The following FMN1 variants were observed in gnomAD, a reference collection of about 807,000 sequenced individuals.
FMN1 encodes the protein formin 1.
FMN1 carries 110 observed loss-of-function variants against 132.4 expected under a neutral mutation model. The ratio of observed to expected loss-of-function variants is 0.83; its 90% CI spans 0.71 to 0.97. The LOEUF is 0.97. FMN1 is among the 50% of genes least tolerant of loss of function. The probability of loss-of-function intolerance (pLI) is 0.00; values close to 1 mark genes in which losing one functional copy is unlikely to be tolerated. For missense variants in FMN1, 1,792 were observed against 1,705.3 expected (o/e 1.05, Z -0.90); for synonymous variants, 722 against 651.7 (o/e 1.11, Z -1.64).
chr15:32,951,153 C>T (rs1049002126), intron 9 of FMN1, among the ~76,000 whole-genome samples: 1 of 152,002 alleles, frequency 6.6e-6, no homozygotes, highest in Non-Finnish European at 1.5e-5. Flanking sequence ...ATCGGTCATT[C>T]TACATATGTT....
At chr15:33,038,304 C>G (rs974742609) in intron 6 of FMN1, among the ~76,000 whole-genome samples, 7 of 152,218 alleles carry the variant, frequency 4.6e-5, no homozygotes, top group African/African-American at 1.7e-4. Flanking sequence ...TCTAAGAACA[C>G]TGATTTGCCG....
chr15:32,941,528 A>T (rs1294987457), intron 9 of FMN1, among the ~76,000 whole-genome samples: 1 of 152,222 alleles, frequency 6.6e-6, no homozygotes, highest in Admixed American at 6.5e-5. Flanking sequence ...GCACTACTTC[A>T]GCTAATTGTA....
rs1411329220 is a variant in FMN1 at position 32,964,223 on chromosome 15, C to T, written c.3022G>A (p.Glu1008Lys). The part of the protein sequence containing the change: ...NATPTLWDSL[E>K]EPDIRDPSEF... ...CTGGGGTCCCGAATGTCAGGTTCTTCTAAGGAGTCCCATAAGGTTGGTGTA... is the reference window on the plus strand; with the variant it reads ...CTGGGGTCCCGAATGTCAGGTTCTTTTAAGGAGTCCCATAAGGTTGGTGTA... The change falls in exon 9 of 21, where the codon GAA becomes AAA. Residue 1008 changes from glutamate to lysine, a missense_variant. Glu to Lys is a moderately conservative substitution (Grantham distance 56). Coordinates refer to ENST00000616417, the MANE Select transcript of FMN1 (RefSeq NM_001277313.2). The T allele has an allele frequency of 1.2e-6, 2 of 1,611,134 alleles. No homozygotes were observed. The highest frequency in any genetic ancestry group is 1.7e-5 in the Admixed American group (1 of 59,946).
At chr15:32,886,646 C>T (rs2059904357) in intron 16 of FMN1, among the ~76,000 whole-genome samples, 1 of 152,116 alleles carries the variant, frequency 6.6e-6, no homozygotes, top group African/African-American at 2.4e-5. Flanking sequence ...CAGGTTTCGG[C>T]TCAAAGACTA....
intron 12 of FMN1, among the ~76,000 whole-genome samples, chr15:32,907,883 C>T (rs2060465481): frequency 6.6e-6 from 1 of 152,030 alleles, no homozygotes; most frequent in Non-Finnish European, 1.5e-5. Context: ...GGCTTCGAGA[C>T]CCCAAGAGTC....
At position 32,910,490 on chromosome 15, in the gene FMN1, GC is replaced by G. The variant is rs764839271; in HGVS notation, c.3271del (p.Ala1091GlnfsTer16). ...DDSVVDLETL[A>X]ALYENRAQED... The stretch of plus-strand genomic sequence containing the variant: ...GACACTCACGTTTTCATATAAGGCT[GC>G]CAGGGTCTCCAGATCAACCACGGAG... On this transcript the variant is annotated frameshift_variant, in exon 11 of 21. Transcript: ENST00000616417. LOFTEE classifies it high-confidence loss of function. The G allele has an allele frequency of 6.3e-7, 1 of 1,579,522 alleles. No homozygotes were observed. Among genetic ancestry groups the G allele is most frequent in the African/African-American group, 1.3e-5 (1 of 74,178 alleles).
chr15:32,874,164 G>A (rs1399858686), intron 16 of FMN1, among the ~76,000 whole-genome samples: 19 of 151,762 alleles, frequency 1.3e-4, no homozygotes, highest in Admixed American at 1.2e-3. Flanking sequence ...TTGGATTACA[G>A]GTGCCTGCCA....
In FMN1 at chr15:33,063,627, A is replaced by G. The variant is rs560360218; in HGVS notation, c.2161+1330T>C. On this transcript the variant is annotated intron_variant, in intron 6 of 20. Transcript: ENST00000616417. ...CATTGATACAGTCATATATGTAATT[A>G]CCCTAGAGAAAATAAAGTTAAGTGC... 7.8e-4 allele frequency: 119 copies of G among 152,270 alleles called. 1 individual carries two copies. Among genetic ancestry groups the G allele is most frequent in the African/African-American group, 2.0e-3 (83 of 41,556 alleles). 9.4% of individuals were successfully genotyped at this position (152,270 alleles called of 1,614,324 possible). A position where few individuals can be genotyped will look rare whatever the true frequency, so the allele number is the denominator to read the frequency against.
chr15:33,059,954 G>A (rs1340019101), intron 6 of FMN1, among the ~76,000 whole-genome samples: 5 of 152,228 alleles, frequency 3.3e-5, no homozygotes, highest in Non-Finnish European at 1.5e-5. Context: ...TATGTTGGGA[G>A]AGTCAGTCTC....
chr15:32,969,731 G>A (rs2031618776), intron 7 of FMN1, among the ~76,000 whole-genome samples: 2 of 152,258 alleles, frequency 1.3e-5, no homozygotes, highest in South Asian at 2.1e-4. Context: ...CATGGATTAA[G>A]GCTTAAAGTA....
chr15:33,039,354 G>C (rs981887038), intron 6 of FMN1, among the ~76,000 whole-genome samples: 5 of 152,156 alleles, frequency 3.3e-5, no homozygotes, highest in African/African-American at 1.2e-4. Flanking sequence ...GAAAGTATGT[G>C]TGGCTCATCA....
intron 3 of FMN1, among the ~76,000 whole-genome samples, chr15:33,170,515 A>T (rs1965278101): frequency 6.6e-6 from 1 of 152,016 alleles, no homozygotes; most frequent in South Asian, 2.1e-4. Flanking sequence ...GACAAGAAAC[A>T]AACATACAGA....
chr15:32,988,995 T>G (rs80253920), intron 7 of FMN1, among the ~76,000 whole-genome samples: 7,266 of 152,260 alleles, frequency 0.048, 264 homozygotes, highest in Middle Eastern at 0.11. Flanking sequence ...AATGTCATTC[T>G]CCCAGCAGAA....
chr15:32,950,064 T>TATACACATATATATATATATAC (rs1555503274), intron 9 of FMN1, among the ~76,000 whole-genome samples: 6 of 81,948 alleles, frequency 7.3e-5, no homozygotes, highest in Non-Finnish European at 1.2e-4. Flanking sequence ...CATATATATA[T>TATACACATATATATATATATAC]ATATATATAT....
chr15:32,826,833 A>T (rs962815855), intron 17 of FMN1, among the ~76,000 whole-genome samples: 1 of 152,202 alleles, frequency 6.6e-6, no homozygotes, highest in Non-Finnish European at 1.5e-5. Context: ...TGTCCTTCCC[A>T]GTTTTCCTAG....
chr15:32,838,651 A>G (rs935082621), intron 17 of FMN1, among the ~76,000 whole-genome samples: 24 of 152,316 alleles, frequency 1.6e-4, no homozygotes, highest in African/African-American at 5.1e-4. Flanking sequence ...TGTTGTCAGC[A>G]TTTGGCTAAT....
chr15:33,008,140 G>A, intron 6 of FMN1, 65 bp from the exon 7 acceptor site: 1 of 1,233,716 alleles, frequency 8.1e-7, no homozygotes. Context: ...TTTATCTACT[G>A]GTCCTCTTAG....
intron 17 of FMN1, among the ~76,000 whole-genome samples, chr15:32,820,402 C>G (rs1016168043): frequency 3.3e-5 from 5 of 152,112 alleles, no homozygotes; most frequent in Admixed American, 6.6e-5. Flanking sequence ...AAATATTTTG[C>G]AAAATTAATC....
chr15:33,026,096 T>TACACACACACACAC (rs58334971), intron 6 of FMN1, among the ~76,000 whole-genome samples: 2 of 144,722 alleles, frequency 1.4e-5, no homozygotes, highest in African/African-American at 2.6e-5. Context: ...TGCTTAGGCA[T>TACACACACACACAC]ACACACACAC....
Sources: allele counts gnomAD v4.1 joint callset (sites outside exome capture counted in the v4.1 genomes callset), GRCh38; gene constraint gnomAD v4.1.1; transcripts MANE v1.5; gene names NCBI Gene and HGNC (gene_info 2026-07-23, HGNC 2026-07-21).